The following XKR4 variants were observed in gnomAD, a reference collection of about 807,000 sequenced individuals.
The protein encoded by XKR4 is XK related 4.
XKR4 carries 12 observed loss-of-function variants against 53.9 expected under a neutral mutation model. The observed-to-expected ratio is 0.22, with a 90% CI of 0.14 to 0.36. The LOEUF (loss-of-function observed/expected upper bound fraction) is 0.36. Among genes scored for constraint, XKR4 ranks in the 10% least tolerant of loss-of-function variants. XKR4 has a pLI of 1.00. For synonymous variants in XKR4, 354 were observed against 362.4 expected, an observed-to-expected ratio of 0.98 and a Z score of 0.26; for missense variants, 799 against 859.5, an observed-to-expected ratio of 0.93 and a Z score of 0.88.
intron 1 of XKR4, among the ~76,000 whole-genome samples, chr8:55,125,544 A>G (rs1347883988): frequency 6.6e-6 from 1 of 152,128 alleles, no homozygotes; most frequent in Non-Finnish European, 1.5e-5. Context: ...TTGGTTTTTT[A>G]TTTCTTCACA....
At chr8:55,237,504 C>T (rs1301408232) in intron 1 of XKR4, among the ~76,000 whole-genome samples, 1 of 152,168 alleles carries the variant, frequency 6.6e-6, no homozygotes, top group African/African-American at 2.4e-5. Flanking sequence ...TCTTCATGCT[C>T]ATTATCTTAT....
rs1470472908 is a variant in XKR4 at position 55,481,382 on chromosome 8, T to C, written c.1007-41899T>C. 6.6e-5 allele frequency among the ~76,000 whole-genome samples: 10 copies of C among 151,874 alleles called. No individual in the cohort carries two copies. The East Asian group carries it at 1.4e-3, about 21-fold the overall frequency. ...AACTGGATCCCTTCCTTACACCTTA[T>C]ACAAAAATGAATTCAAGATGGATTA... is the stretch of plus-strand genomic sequence containing the variant. On this transcript the variant is annotated intron_variant, in intron 2 of 2. Coordinates refer to ENST00000327381, the MANE Select transcript of XKR4 (RefSeq NM_052898.2).
intron 2 of XKR4, among the ~76,000 whole-genome samples, chr8:55,374,592 G>C (rs990249805): frequency 6.6e-6 from 1 of 152,204 alleles, no homozygotes; most frequent in Admixed American, 6.5e-5. Flanking sequence ...AAATAAGAGA[G>C]AGGTGGGTGT....
At chr8:55,152,472 G>A (rs867015740) in intron 1 of XKR4, among the ~76,000 whole-genome samples, 1 of 129,576 alleles carries the variant, frequency 7.7e-6, no homozygotes, top group African/African-American at 3.5e-5. Flanking sequence ...ATAATGCACA[G>A]GTTATGAAAA....
At chr8:55,125,909 A>G (rs1270568013) in intron 1 of XKR4, among the ~76,000 whole-genome samples, 1 of 152,222 alleles carries the variant, frequency 6.6e-6, no homozygotes, top group East Asian at 1.9e-4. Context: ...AGGCCCTTCT[A>G]AGTGTGAGCC....
intron 1 of XKR4, among the ~76,000 whole-genome samples, chr8:55,180,416 A>C (rs778101276): frequency 7.2e-5 from 11 of 152,244 alleles, no homozygotes; most frequent in Non-Finnish European, 1.6e-4. Context: ...TTTATTTGAG[A>C]GATAACTCAT....
In XKR4 at chr8:55,531,878, A is replaced by T. The variant is rs528480213; in HGVS notation, c.*7651A>T. 2 of 152,344 alleles carry T rather than the reference A, an allele frequency of 1.3e-5. No individual in the cohort carries two copies. The highest frequency in any genetic ancestry group is 4.8e-5 in the African/African-American group (2 of 41,442). The allele number at this position is 152,344 out of a possible 1,614,324, so 9.4% of individuals were successfully genotyped here. A position where few individuals can be genotyped will look rare whatever the true frequency, so the allele number is the denominator to read the frequency against. ...CTGTTTCTCTAAAGCCTTTCCTCCA[A>T]TGCCCAGAAGAGCAGCACTGTGCTG... On this transcript the variant is annotated 3_prime_UTR_variant, in exon 3 of 3. Coordinates refer to ENST00000327381, the MANE Select transcript of XKR4 (RefSeq NM_052898.2).
intron 2 of XKR4, among the ~76,000 whole-genome samples, chr8:55,497,501 A>G (rs963699093): frequency 2.0e-5 from 3 of 152,214 alleles, no homozygotes; most frequent in Non-Finnish European, 4.4e-5. Context: ...CCTCAAAACA[A>G]TCCAGTGAAA....
chr8:55,442,827 G>A (rs969119932), intron 2 of XKR4, among the ~76,000 whole-genome samples: 1 of 152,178 alleles, frequency 6.6e-6, no homozygotes, highest in South Asian at 2.1e-4. Flanking sequence ...AGAGAAAGAG[G>A]CGTGGGGAGT....
Position 55,457,146 on chromosome 8 carries a change from C to CTTTTCT in XKR4, c.1007-66131_1007-66130insCTTTTT, listed in dbSNP as rs533607534. Among the ~76,000 whole-genome samples the CTTTTCT allele has an allele frequency of 6.6e-4, 90 of 137,234 alleles. 1 individual carries two copies. Among genetic ancestry groups the CTTTTCT allele is most frequent in the African/African-American group, 2.0e-3 (77 of 37,726 alleles). The allele number at this position is 137,234 out of a possible 152,430, so 90.0% of individuals were successfully genotyped here. A position where few individuals can be genotyped will look rare whatever the true frequency, so the allele number is the denominator to read the frequency against. ...CAAGTGCTGAATTTTTTTTCCTTTT[C>CTTTTCT]TTTTTTTTTTTTTTGAGACTGAGTC... On this transcript the variant is annotated intron_variant, in intron 2 of 2. Transcript: ENST00000327381.
intron 1 of XKR4, among the ~76,000 whole-genome samples, chr8:55,257,305 A>G (rs192507421): frequency 1.3e-5 from 2 of 152,306 alleles, no homozygotes; most frequent in Admixed American, 6.5e-5. Flanking sequence ...AGTTCATATA[A>G]TAAATATATA....
intron 1 of XKR4, among the ~76,000 whole-genome samples, chr8:55,302,163 A>C (rs1395561150): frequency 6.6e-6 from 1 of 152,004 alleles, no homozygotes; most frequent in Non-Finnish European, 1.5e-5. Flanking sequence ...ATCTTGAATT[A>C]ATTTTTGTAT....
chr8:55,210,086 ATTTTTT>A (rs75698088), intron 1 of XKR4, among the ~76,000 whole-genome samples: 1 of 141,796 alleles, frequency 7.1e-6, no homozygotes, highest in Non-Finnish European at 1.5e-5. Flanking sequence ...CATCCTCTCC[ATTTTTT>A]TTTTTTTTTT....
chr8:55,205,080 C>T (rs561957153), intron 1 of XKR4, among the ~76,000 whole-genome samples: 18 of 152,196 alleles, frequency 1.2e-4, no homozygotes, highest in Non-Finnish European at 7.3e-5. Flanking sequence ...GTGATTAATG[C>T]TAGCACAGCT....
chr8:55,470,234 A>T (rs1379912573), intron 2 of XKR4, among the ~76,000 whole-genome samples: 1 of 152,158 alleles, frequency 6.6e-6, no homozygotes, highest in Non-Finnish European at 1.5e-5. Context: ...ACAATTTAGA[A>T]TTCTAGAAGT....
In XKR4 at chr8:55,323,884, T is replaced by C. The variant is rs536670394; in HGVS notation, c.807-33794T>C. Among the ~76,000 whole-genome samples, 3 of 152,298 alleles carry C rather than the reference T, an allele frequency of 2.0e-5. No homozygotes were observed. The South Asian group carries it at 6.2e-4, about 32-fold the overall frequency. On this transcript the variant is annotated intron_variant, in intron 1 of 2. Transcript: ENST00000327381. Reference sequence around the variant, plus strand: ...CTATTATCACTATTCCACTATTGTCTAGCCATTTTTTTTAAATTTGAGATA... The same window carrying C: ...CTATTATCACTATTCCACTATTGTCCAGCCATTTTTTTTAAATTTGAGATA...
rs1807101236 is a variant in XKR4 at position 55,541,559 on chromosome 8, C to T, written c.*17332C>T. The T allele has an allele frequency of 6.6e-6, 1 of 152,104 alleles. No individual in the cohort carries two copies. The highest frequency in any genetic ancestry group is 2.4e-5 in the African/African-American group (1 of 41,426). 9.4% of individuals were successfully genotyped at this position (152,104 alleles called of 1,614,324 possible). A position where few individuals can be genotyped will look rare whatever the true frequency, so the allele number is the denominator to read the frequency against. The stretch of plus-strand genomic sequence containing the variant: ...CATTCCTGTGCTTCCCCCTCCATTA[C>T]AGAATAAGGTCCGAGAGACCCCACG... On this transcript the variant is annotated 3_prime_UTR_variant, in exon 3 of 3. Coordinates refer to ENST00000327381, the MANE Select transcript of XKR4 (RefSeq NM_052898.2).
At chr8:55,294,837 T>G (rs977754996) in intron 1 of XKR4, among the ~76,000 whole-genome samples, 5 of 152,186 alleles carry the variant, frequency 3.3e-5, no homozygotes, top group South Asian at 2.1e-4. Flanking sequence ...CAAGTCTGTC[T>G]TAATACCATG....
At chr8:55,363,959 A>G (rs540583783) in intron 2 of XKR4, among the ~76,000 whole-genome samples, 16 of 152,390 alleles carry the variant, frequency 1.0e-4, no homozygotes, top group African/African-American at 3.8e-4. Context: ...ATGTGACGCT[A>G]TAAACAACAC....
Sources: gnomAD v4.1 joint callset for allele counts (sites outside exome capture counted in the v4.1 genomes callset) on GRCh38, gnomAD v4.1.1 for gene constraint, MANE v1.5 for transcripts, NCBI Gene and HGNC (gene_info 2026-07-23, HGNC 2026-07-21) for gene names.